PPP2R3A: variants seen among roughly 807,000 people sequenced by gnomAD.
PPP2R3A encodes serine/threonine-protein phosphatase 2A regulatory subunit B'' subunit alpha.
Under a neutral mutation model 106.9 loss-of-function variants are expected in PPP2R3A, and 80 were observed. The ratio of observed to expected loss-of-function variants is 0.75; its 90% CI spans 0.62 to 0.90. The LOEUF is 0.90. PPP2R3A is among the 40% of genes least tolerant of loss of function. The pLI is 0.00. For missense variants in PPP2R3A, 1,386 were observed against 1,350.4 expected (o/e 1.03, Z -0.41); for synonymous variants, 483 against 468.3 (o/e 1.03, Z -0.41).
Position 136,009,762 on chromosome 3 carries a change from C to T in PPP2R3A, c.1995+6269C>T, listed in dbSNP as rs185242863. On this transcript the variant is annotated intron_variant, in intron 2 of 13. Transcript: ENST00000264977. ...CATGATTATGCTTGAGAACCACTGC[C>T]ATAATTCGTCACTAAAATCATTCCC... 4.6e-5 allele frequency among the ~76,000 whole-genome samples: 7 copies of T among 152,290 alleles called. No homozygotes were observed. In the East Asian group the frequency reaches 1.4e-3, roughly 29 times the overall value.
chr3:136,043,457 T>C (rs1319137589), intron 4 of PPP2R3A, among the ~76,000 whole-genome samples: 3 of 151,654 alleles, frequency 2.0e-5, no homozygotes, highest in African/African-American at 4.8e-5. Context: ...AGACTCCATC[T>C]CAAAAAAAAA....
At chr3:135,989,591 T>A in intron 1 of PPP2R3A, among the ~76,000 whole-genome samples, 1 of 151,926 alleles carries the variant, frequency 6.6e-6, no homozygotes, top group South Asian at 2.1e-4. Context: ...CACAAAAAAA[T>A]CTCCTGAGCT....
intron 13 of PPP2R3A, among the ~76,000 whole-genome samples, chr3:136,125,688 AAAAG>A (rs1196437560): frequency 3.3e-5 from 5 of 152,302 alleles, no homozygotes; most frequent in South Asian, 2.1e-4. Flanking sequence ...CCCTATTAAA[AAAAG>A]AAAGAAAACA....
chr3:135,979,195 A>G lies in PPP2R3A; in HGVS notation c.-441+13346A>G, dbSNP rs550203360. Among the ~76,000 whole-genome samples, 171 of 151,708 alleles carry G rather than the reference A, an allele frequency of 1.1e-3. 3 individuals carry two copies. Among genetic ancestry groups the G allele is most frequent in the African/African-American group, 3.8e-3 (157 of 41,060 alleles). On this transcript the variant is annotated intron_variant, in intron 1 of 13. Coordinates refer to ENST00000264977, the MANE Select transcript of PPP2R3A (RefSeq NM_002718.5). ...GGAGTTCAAGACCAGCCTGGCCAAC[A>G]TGGTGAAACCCCGTCTCTACTAAAA...
intron 4 of PPP2R3A, among the ~76,000 whole-genome samples, chr3:136,047,988 GCTATTGGTACTATGCTCACTAC>G (rs1405728870): frequency 6.6e-6 from 1 of 152,052 alleles, no homozygotes; most frequent in African/African-American, 2.4e-5. Context: ...TGAAAAACTA[GCTATTGGTACTATGCTCACTAC>G]CTGAGAGATG....
At chr3:136,022,141 A>G (rs1934487234) in intron 2 of PPP2R3A, among the ~76,000 whole-genome samples, 1 of 152,200 alleles carries the variant, frequency 6.6e-6, no homozygotes. Flanking sequence ...TCTCAAAGGA[A>G]GAAAACTTAC....
At chr3:135,973,665 A>G (rs1937309987) in intron 1 of PPP2R3A, among the ~76,000 whole-genome samples, 2 of 152,210 alleles carry the variant, frequency 1.3e-5, no homozygotes, top group Admixed American at 6.5e-5. Flanking sequence ...GGAAATTAAA[A>G]GGCAGTTTCT....
Position 136,002,287 on chromosome 3 carries a change from T to C in PPP2R3A, c.789T>C (p.Ser263=), listed in dbSNP as rs1933658213. ...AGAAAAAATCAGGGAGTAGCATCAG[T>C]GAAGGAAGTGGTAATGATACAATTT... ...CIKKKSGSSI[S]EGSGNDTISS... The change falls in exon 2 of 14, where the codon AGT becomes AGC. Residue 263 remains serine, a synonymous_variant. Transcript: ENST00000264977. 6.2e-7 allele frequency: 1 copy of C among 1,613,718 alleles called. No individual in the cohort carries two copies. The highest frequency in any genetic ancestry group is 8.5e-7 in the Non-Finnish European group (1 of 1,179,806).
At chr3:136,047,844 G>A (rs1217718435) in intron 4 of PPP2R3A, among the ~76,000 whole-genome samples, 1 of 152,024 alleles carries the variant, frequency 6.6e-6, no homozygotes, top group African/African-American at 2.4e-5. Context: ...GGCAGAGCTT[G>A]CAGTGAGCTG....
At chr3:136,012,017 T>A (rs1934104198) in intron 2 of PPP2R3A, among the ~76,000 whole-genome samples, 2 of 136,032 alleles carry the variant, frequency 1.5e-5, no homozygotes, top group African/African-American at 3.1e-5. Flanking sequence ...ACACACACTC[T>A]CCACCAAGGA....
intron 2 of PPP2R3A, among the ~76,000 whole-genome samples, chr3:136,006,849 G>A (rs751666300): frequency 3.3e-5 from 5 of 152,132 alleles, no homozygotes; most frequent in African/African-American, 7.2e-5. Flanking sequence ...ATGATCAAGG[G>A]CAACAAAAAT....
intron 13 of PPP2R3A, among the ~76,000 whole-genome samples, chr3:136,119,732 G>C (rs1937919368): frequency 6.6e-6 from 1 of 152,180 alleles, no homozygotes; most frequent in Non-Finnish European, 1.5e-5. Context: ...AGGGTGTGGA[G>C]AATAGGAATG....
At chr3:136,091,301 T>C (rs1937089435) in intron 10 of PPP2R3A, among the ~76,000 whole-genome samples, 1 of 152,156 alleles carries the variant, frequency 6.6e-6, no homozygotes. Context: ...TATCTTAATA[T>C]TGATTCGAAA....
rs78392535 is a variant in PPP2R3A, at chr3:136,002,278, T to G, written c.780T>G (p.Ser260Arg). ...AATGCATAAAGAAAAAATCAGGGAG[T>G]AGCATCAGTGAAGGAAGTGGTAATG... ...IKQCIKKKSGSSISEGSGNDT... is the reference protein window; with the variant it reads ...IKQCIKKKSGRSISEGSGNDT... Residue 260 changes from serine (S) to arginine (R), a missense_variant, in exon 2 of 14, where the codon AGT becomes AGG. Coordinates refer to ENST00000264977, the MANE Select transcript of PPP2R3A (RefSeq NM_002718.5). 173 of 1,613,364 alleles carry G rather than the reference T, an allele frequency of 1.1e-4. No individual in the cohort carries two copies. In the African/African-American group the frequency reaches 2.3e-3, roughly 21 times the overall value.
At chr3:136,052,639 A>G (rs1935721676) in intron 5 of PPP2R3A, among the ~76,000 whole-genome samples, 1 of 152,228 alleles carries the variant, frequency 6.6e-6, no homozygotes, top group African/African-American at 2.4e-5. Flanking sequence ...CAGAGCTTTA[A>G]TAAAAGCTTT....
rs1402090382 is a variant in PPP2R3A, at chr3:136,040,942, A to G, written c.2346A>G (p.Ser782=). The G allele has an allele frequency of 2.5e-6, 4 of 1,613,422 alleles. No individual in the cohort carries two copies. In the African/African-American group the frequency reaches 5.3e-5, roughly 22 times the overall value. The part of the protein sequence containing the change: ...GEKTGFVTAQ[S]FIAMWRKLLN... ...AGACAGGATTTGTGACAGCACAGTC[A>G]TTCATTGCCATGTGGAGAAAGTAAG... is the stretch of plus-strand genomic sequence containing the variant. Residue 782 remains serine, a synonymous_variant, in exon 4 of 14, where the codon TCA becomes TCG. Transcript: ENST00000264977.
At chr3:136,057,811 G>A (rs139946071) in intron 5 of PPP2R3A, among the ~76,000 whole-genome samples, 179 of 152,274 alleles carry the variant, frequency 1.2e-3, no homozygotes, top group African/African-American at 4.2e-3. Flanking sequence ...GTGTTGGAGA[G>A]GATGTAGAGA....
At chr3:136,065,436 T>C (rs138810899) in intron 5 of PPP2R3A, among the ~76,000 whole-genome samples, 1 of 152,308 alleles carries the variant, frequency 6.6e-6, no homozygotes, top group East Asian at 1.9e-4. Flanking sequence ...TTTGCTTTTA[T>C]ACTGTGTGTA....
intron 13 of PPP2R3A, among the ~76,000 whole-genome samples, chr3:136,133,434 G>A (rs1938496117): frequency 6.6e-6 from 1 of 152,144 alleles, no homozygotes; most frequent in African/African-American, 2.4e-5. Flanking sequence ...AAACCTCAGT[G>A]AGATATACTA....
Sources: allele counts gnomAD v4.1 joint callset (sites outside exome capture counted in the v4.1 genomes callset), GRCh38; gene constraint gnomAD v4.1.1; transcripts MANE v1.5; gene names NCBI Gene and HGNC (gene_info 2026-07-23, HGNC 2026-07-21).